VAPB: variants seen among roughly 807,000 people sequenced by gnomAD.
VAPB encodes the protein VAMP associated protein B and C.
VAPB carries 7 observed loss-of-function variants against 25.6 expected under a neutral mutation model. The ratio of observed to expected loss-of-function variants is 0.27; its 90% CI spans 0.16 to 0.51. The LOEUF (loss-of-function observed/expected upper bound fraction) is 0.51. Among genes scored for constraint, VAPB ranks in the 20% least tolerant of loss-of-function variants. The pLI is 0.97. For synonymous variants in VAPB, 112 were observed against 109.2 expected, an observed-to-expected ratio of 1.03 and a Z score of -0.16; for missense variants, 266 against 301.3, an observed-to-expected ratio of 0.88 and a Z score of 0.87.
intron 2 of VAPB, among the ~76,000 whole-genome samples, chr20:58,418,814 T>G (rs540304753): frequency 6.6e-6 from 1 of 152,290 alleles, no homozygotes; most frequent in African/African-American, 2.4e-5. Context: ...CCATTTCCAG[T>G]GATTGGCCAC....
At chr20:58,439,113 G>T in intron 4 of VAPB, 88 bp downstream of exon 4, 1 of 1,289,458 alleles carries the variant, frequency 7.8e-7, no homozygotes, top group South Asian at 1.2e-5. Flanking sequence ...GATTTAAGTT[G>T]GCAAATTATT....
chr20:58,414,634 G>A (rs1294642807), intron 1 of VAPB, among the ~76,000 whole-genome samples: 1 of 150,692 alleles, frequency 6.6e-6, no homozygotes, highest in Non-Finnish European at 1.5e-5. Flanking sequence ...ATGGGCGGCC[G>A]GGCAGAGACG....
Position 58,447,298 on chromosome 20 carries a change from G to A in VAPB, c.*3063G>A. 2.2e-6 allele frequency: 1 copy of A among 454,148 alleles called. No individual in the cohort carries two copies. The highest frequency in any genetic ancestry group is 2.3e-5 in the Admixed American group (1 of 42,580). 28.1% of individuals were successfully genotyped at this position (454,148 alleles called of 1,614,324 possible). On this transcript the variant is annotated 3_prime_UTR_variant, in exon 6 of 6. Coordinates refer to ENST00000475243, the MANE Select transcript of VAPB (RefSeq NM_004738.5). ...ACAGCAGGCTTTTTTATTTGTAGGT[G>A]TGAGGAACTGGCTTTAACTTTTTTC...
intron 1 of VAPB, among the ~76,000 whole-genome samples, chr20:58,406,743 A>G (rs1261214742): frequency 6.6e-6 from 1 of 152,222 alleles, no homozygotes; most frequent in Non-Finnish European, 1.5e-5. Context: ...TGTTAAAACA[A>G]CTACAACCAT....
chr20:58,419,391 T>G (rs1318134887), intron 2 of VAPB, among the ~76,000 whole-genome samples: 1 of 152,202 alleles, frequency 6.6e-6, no homozygotes, highest in Non-Finnish European at 1.5e-5. Context: ...CCCCTGTGCT[T>G]CTCTTGAGTC....
At chr20:58,423,414 CAAAAAAAAAAAAAAAAAAAAAAAAAAA>C (rs59133081) in intron 2 of VAPB, among the ~76,000 whole-genome samples, 3 of 34,758 alleles carry the variant, frequency 8.6e-5, no homozygotes, top group Non-Finnish European at 9.9e-5. Context: ...CTCCATCTCA[CAAAAAAAAAAAAAAAAAAAAAAAAAAA>C]AAAAAAAAGA....
chr20:58,413,733 C>T (rs1475578062), intron 1 of VAPB, among the ~76,000 whole-genome samples: 7 of 151,404 alleles, frequency 4.6e-5, no homozygotes, highest in East Asian at 2.0e-4. Context: ...CGGGCAGAGG[C>T]GCCCGTCACC....
chr20:58,440,219 A>G (rs1056040769), intron 4 of VAPB: 3 of 152,244 alleles, frequency 2.0e-5, no homozygotes, highest in Non-Finnish European at 2.9e-5. Flanking sequence ...CACAGGGCCT[A>G]CTCTTCTCAT....
chr20:58,427,402 G>C (rs1454695520), intron 2 of VAPB, among the ~76,000 whole-genome samples: 5 of 151,296 alleles, frequency 3.3e-5, no homozygotes, highest in African/African-American at 1.2e-4. Context: ...TTATGATGCA[G>C]GTCCATGATC....
chr20:58,409,902 T>TACAC (rs879524307), intron 1 of VAPB, among the ~76,000 whole-genome samples: 2 of 120,124 alleles, frequency 1.7e-5, no homozygotes, highest in East Asian at 4.2e-4. Context: ...TCTTTATTCA[T>TACAC]ATACACACAC....
At position 58,405,742 on chromosome 20, in the gene VAPB, C is replaced by CTTTTTTT. The variant is rs71181964; in HGVS notation, c.59-12449_59-12443dup. 3.9e-4 allele frequency among the ~76,000 whole-genome samples: 17 copies of CTTTTTTT among 43,468 alleles called. 3 individuals are homozygous for CTTTTTTT. The highest frequency in any genetic ancestry group is 9.4e-4 in the East Asian group (1 of 1,064). 28.5% of individuals were successfully genotyped at this position (43,468 alleles called of 152,430 possible). A position where few individuals can be genotyped will look rare whatever the true frequency, so the allele number is the denominator to read the frequency against. On this transcript the variant is annotated intron_variant, in intron 1 of 5. Coordinates refer to ENST00000475243, the MANE Select transcript of VAPB (RefSeq NM_004738.5). ...TGAGCCATCACGCCTGGCCAGGAGCCTTTTTTTTTTTTTTTTTTTTTTTTT... is the reference window on the plus strand; with the variant it reads ...TGAGCCATCACGCCTGGCCAGGAGCCTTTTTTTTTTTTTTTTTTTTTTTTTTTTTTTT...
chr20:58,400,736 G>A (rs1018780638), intron 1 of VAPB, among the ~76,000 whole-genome samples: 4 of 152,134 alleles, frequency 2.6e-5, no homozygotes, highest in African/African-American at 9.7e-5. Context: ...TGTTTGCTAT[G>A]ATCATTTGAA....
In VAPB at chr20:58,445,179, A is replaced by G. The variant is rs1408139133; in HGVS notation, c.*944A>G. 1 of 454,158 alleles carries G rather than the reference A, an allele frequency of 2.2e-6. No individual in the cohort carries two copies. Among genetic ancestry groups the G allele is most frequent in the East Asian group, 7.0e-5 (1 of 14,382 alleles). The allele number at this position is 454,158 out of a possible 1,614,324, so 28.1% of individuals were successfully genotyped here. ...AATAACAACTGTCATAGGGAGGGAA[A>G]TTCTCAGTAGTGACAGTCAACTCTA... On this transcript the variant is annotated 3_prime_UTR_variant, in exon 6 of 6. Transcript: ENST00000475243.
At chr20:58,421,124 A>G (rs550061060) in intron 2 of VAPB, among the ~76,000 whole-genome samples, 71 of 152,348 alleles carry the variant, frequency 4.7e-4, no homozygotes, top group African/African-American at 1.7e-3. Context: ...CTGAACAGGA[A>G]GACCAGTTGT....
At position 58,447,841 on chromosome 20, in the gene VAPB, C is replaced by A; in HGVS notation, c.*3606C>A. The A allele has an allele frequency of 2.2e-6, 1 of 453,978 alleles. No individual in the cohort carries two copies. The highest frequency in any genetic ancestry group is 4.4e-6 in the Non-Finnish European group (1 of 226,772). The allele number at this position is 453,978 out of a possible 1,614,324, so 28.1% of individuals were successfully genotyped here. On this transcript the variant is annotated 3_prime_UTR_variant, in exon 6 of 6. Coordinates refer to ENST00000475243, the MANE Select transcript of VAPB (RefSeq NM_004738.5). ...CCTTCTCTAAAGGAATGGCCCATTT[C>A]TCATTGTAGTTTGAGAAATACATGT...
chr20:58,448,726 CTG>C lies in VAPB; in HGVS notation c.*4493_*4494del, dbSNP rs781508795. 40 of 453,952 alleles carry C rather than the reference CTG, an allele frequency of 8.8e-5. No homozygotes were observed. Among genetic ancestry groups the C allele is most frequent in the African/African-American group, 6.2e-4 (31 of 49,988 alleles). The allele number at this position is 453,952 out of a possible 1,614,324, so 28.1% of individuals were successfully genotyped here. ...CACACTAAAGTAAGTAGAATTAAGA[CTG>C]TAGTTCAGATGCTTTTTCTTTTTCT... On this transcript the variant is annotated 3_prime_UTR_variant, in exon 6 of 6. Transcript: ENST00000475243.
rs554150990 is a variant in VAPB at position 58,447,734 on chromosome 20, A to G, written c.*3499A>G. ...GCTTGACAGTTTTCAAATCGTGCCTATATTTTTTTGCATACACAAATTTTT... is the reference window on the plus strand; with the variant it reads ...GCTTGACAGTTTTCAAATCGTGCCTGTATTTTTTTGCATACACAAATTTTT... On this transcript the variant is annotated 3_prime_UTR_variant, in exon 6 of 6. Coordinates refer to ENST00000475243, the MANE Select transcript of VAPB (RefSeq NM_004738.5). 2.9e-5 allele frequency: 13 copies of G among 453,768 alleles called. No homozygotes were observed. The highest frequency in any genetic ancestry group is 6.9e-5 in the East Asian group (1 of 14,396). The allele number at this position is 453,768 out of a possible 1,614,324, so 28.1% of individuals were successfully genotyped here.
At chr20:58,428,084 A>G (rs542698520) in intron 2 of VAPB, among the ~76,000 whole-genome samples, 3 of 152,348 alleles carry the variant, frequency 2.0e-5, no homozygotes, top group East Asian at 3.9e-4. Context: ...ATTTAACTGC[A>G]TTTAATCAAG....
At chr20:58,392,509 T>C (rs1424621477) in intron 1 of VAPB, among the ~76,000 whole-genome samples, 2 of 152,234 alleles carry the variant, frequency 1.3e-5, no homozygotes, top group Non-Finnish European at 2.9e-5. Flanking sequence ...GTTGTTTGTT[T>C]GTTTTAAACT....
Sources: gnomAD v4.1 joint callset for allele counts (sites outside exome capture counted in the v4.1 genomes callset) on GRCh38, gnomAD v4.1.1 for gene constraint, MANE v1.5 for transcripts, NCBI Gene and HGNC (gene_info 2026-07-23, HGNC 2026-07-21) for gene names.